The following WARS2 variants were observed in gnomAD, a reference collection of about 807,000 sequenced individuals.
The protein encoded by WARS2 is tryptophanyl tRNA synthetase 2, mitochondrial, also known as tryptophan--tRNA ligase, mitochondrial.
In WARS2, 28 loss-of-function variants were observed where a neutral mutation model predicts 36.5. The ratio of observed to expected loss-of-function variants is 0.77; its 90% CI spans 0.57 to 1.05. The LOEUF is 1.05. Ranked by LOEUF, WARS2 falls within the 50% of genes least tolerant of loss-of-function variation. The pLI, the probability that WARS2 is intolerant of heterozygous loss-of-function variation, is 0.00. For missense variants in WARS2, 435 were observed against 456.8 expected (o/e 0.95, Z 0.44); for synonymous variants, 174 against 178.4 (o/e 0.98, Z 0.20).
intron 1 of WARS2, among the ~76,000 whole-genome samples, chr1:119,128,249 A>G (rs1655820354): frequency 1.3e-5 from 2 of 151,622 alleles, no homozygotes; most frequent in Admixed American, 1.3e-4. Flanking sequence ...TAATTTTTGT[A>G]TTTTTTAGTA....
At chr1:119,084,003 A>C (rs1230300454) in intron 1 of WARS2, among the ~76,000 whole-genome samples, 4 of 151,960 alleles carry the variant, frequency 2.6e-5, no homozygotes, top group Non-Finnish European at 1.5e-5. Flanking sequence ...TGTTTTAAAA[A>C]TTTAGTTTTT....
chr1:119,065,821 T>C (rs1263966259), intron 2 of WARS2, among the ~76,000 whole-genome samples: 1 of 152,130 alleles, frequency 6.6e-6, no homozygotes, highest in African/African-American at 2.4e-5. Context: ...TTCAGCTTTC[T>C]AGAATAAATT....
At chr1:119,051,471 G>T (rs1250789408) in intron 2 of WARS2, among the ~76,000 whole-genome samples, 2 of 152,074 alleles carry the variant, frequency 1.3e-5, no homozygotes, top group Non-Finnish European at 2.9e-5. Flanking sequence ...TTCCGTCTTT[G>T]CTACTGTGAA....
intron 1 of WARS2, among the ~76,000 whole-genome samples, chr1:119,083,433 G>A (rs997305310): frequency 4.6e-5 from 7 of 152,132 alleles, no homozygotes; most frequent in Non-Finnish European, 1.0e-4. Flanking sequence ...AGAACTGTAA[G>A]AAATAAGTAT....
In WARS2 at chr1:119,076,262, C is replaced by T. The variant is rs140842462; in HGVS notation, c.348+88G>A. 5.0e-5 allele frequency: 74 copies of T among 1,488,402 alleles called. 1 individual carries two copies. In the African/African-American group the frequency reaches 6.8e-4, roughly 14 times the overall value. The allele number at this position is 1,488,402 out of a possible 1,614,324, so 92.2% of individuals were successfully genotyped here. A position where few individuals can be genotyped will look rare whatever the true frequency, so the allele number is the denominator to read the frequency against. ...ACCTTCAAACACTTTTTAAAAATCACGAGCAGGGGCTGTATGAACCATTCA... is the reference window on the plus strand; with the variant it reads ...ACCTTCAAACACTTTTTAAAAATCATGAGCAGGGGCTGTATGAACCATTCA... On this transcript the variant is annotated intron_variant, in intron 2 of 5. Coordinates refer to ENST00000235521, the MANE Select transcript of WARS2 (RefSeq NM_015836.4).
rs1204423716 is a variant in WARS2, at chr1:119,138,254, A to C, written c.90+2301T>G. ...CTGTTCACAAAATCCCTTTGACTTC[A>C]AAGGAAGCTTTTCAAGAGAAAAAGA... On this transcript the variant is annotated intron_variant, in intron 1 of 5. Transcript: ENST00000235521. Among the ~76,000 whole-genome samples the C allele has an allele frequency of 2.6e-5, 4 of 152,310 alleles. No homozygotes were observed. In the East Asian group the frequency reaches 5.8e-4, roughly 22 times the overall value.
At chr1:119,087,229 CTATCTTT>C (rs1652739836) in intron 1 of WARS2, among the ~76,000 whole-genome samples, 1 of 152,100 alleles carries the variant, frequency 6.6e-6, no homozygotes, top group Non-Finnish European at 1.5e-5. Flanking sequence ...AGGGCAGGGA[CTATCTTT>C]TCCTTCTTTA....
intron 2 of WARS2, chr1:119,064,530 A>G (rs1650667614): frequency 6.6e-6 from 1 of 152,220 alleles, no homozygotes; most frequent in Non-Finnish European, 1.5e-5. Flanking sequence ...AACTTCAATT[A>G]TATCTCCCAG....
At chr1:119,110,333 C>A (rs1047238730) in intron 1 of WARS2, among the ~76,000 whole-genome samples, 7 of 151,982 alleles carry the variant, frequency 4.6e-5, no homozygotes, top group African/African-American at 1.7e-4. Flanking sequence ...GTAACAAATT[C>A]TCTAAATCTT....
At chr1:119,138,065 T>C (rs2101587895) in intron 1 of WARS2, among the ~76,000 whole-genome samples, 1 of 152,326 alleles carries the variant, frequency 6.6e-6, no homozygotes, top group East Asian at 1.9e-4. Flanking sequence ...AACTTGGCTA[T>C]TTCTTGGTTT....
chr1:119,121,354 C>T (rs1318633631), intron 1 of WARS2, among the ~76,000 whole-genome samples: 1 of 152,048 alleles, frequency 6.6e-6, no homozygotes, highest in Non-Finnish European at 1.5e-5. Flanking sequence ...AAGAGCTCTA[C>T]AAGGAAAACG....
At chr1:119,059,940 T>A (rs887918419) in intron 2 of WARS2, among the ~76,000 whole-genome samples, 1 of 151,556 alleles carries the variant, frequency 6.6e-6, no homozygotes, top group African/African-American at 2.4e-5. Context: ...TTTCAAAGGG[T>A]GGAGGGTAGG....
intron 1 of WARS2, among the ~76,000 whole-genome samples, chr1:119,130,632 C>T (rs1313030000): frequency 6.6e-6 from 1 of 152,094 alleles, no homozygotes; most frequent in African/African-American, 2.4e-5. Flanking sequence ...TAAAAATGCA[C>T]ACAAAAATGT....
At chr1:119,131,407 A>G (rs951071089) in intron 1 of WARS2, among the ~76,000 whole-genome samples, 1 of 151,704 alleles carries the variant, frequency 6.6e-6, no homozygotes, top group African/African-American at 2.4e-5. Context: ...TCTATGTAAG[A>G]TAGCAATGGT....
At chr1:119,049,138 C>T (rs1391522358) in intron 2 of WARS2, among the ~76,000 whole-genome samples, 2 of 151,974 alleles carry the variant, frequency 1.3e-5, no homozygotes, top group African/African-American at 4.8e-5. Context: ...GACACACAGG[C>T]GGCTGGACAT....
chr1:119,089,507 C>T (rs587690258), intron 1 of WARS2, among the ~76,000 whole-genome samples: 8 of 152,252 alleles, frequency 5.3e-5, no homozygotes, highest in South Asian at 2.1e-4. Flanking sequence ...ACTTATGTGG[C>T]GTTGAACATG....
At chr1:119,036,136 G>C (rs71672708) in intron 4 of WARS2, among the ~76,000 whole-genome samples, 1 of 152,192 alleles carries the variant, frequency 6.6e-6, no homozygotes, top group Admixed American at 6.5e-5. Flanking sequence ...CCCGGAGGCG[G>C]AGGTGGAGGC....
At chr1:119,079,044 G>A (rs1651988212) in intron 1 of WARS2, among the ~76,000 whole-genome samples, 1 of 151,912 alleles carries the variant, frequency 6.6e-6, no homozygotes, top group Non-Finnish European at 1.5e-5. Flanking sequence ...TATCCATCTG[G>A]AGTTTTTTTG....
intron 4 of WARS2, among the ~76,000 whole-genome samples, chr1:119,038,340 A>C (rs1648049837): frequency 6.6e-6 from 1 of 152,228 alleles, no homozygotes. Context: ...CAAAGAATGA[A>C]GCACTTCAAG....
Sources: allele counts gnomAD v4.1 joint callset (sites outside exome capture counted in the v4.1 genomes callset), GRCh38; gene constraint gnomAD v4.1.1; transcripts MANE v1.5; gene names NCBI Gene and HGNC (gene_info 2026-07-23, HGNC 2026-07-21).